Variants in SLX4IP observed in about 807,000 individuals in gnomAD.
The protein encoded by SLX4IP is SLX4 interacting protein.
In SLX4IP, 34 loss-of-function variants were observed where a neutral mutation model predicts 32.9. The ratio of observed to expected loss-of-function variants is 1.03; its 90% CI spans 0.79 to 1.38. The LOEUF is 1.38. Ranked by LOEUF, SLX4IP falls within the 40% of genes most tolerant of loss-of-function variation. The pLI is 0.00. For missense variants in SLX4IP, 444 were observed against 479.0 expected, an observed-to-expected ratio of 0.93 and a Z score of 0.68; for synonymous variants, 172 against 171.7, an observed-to-expected ratio of 1.00 and a Z score of -0.01.
intron 1 of SLX4IP, among the ~76,000 whole-genome samples, chr20:10,449,089 T>G (rs1766332864): frequency 6.6e-6 from 1 of 152,210 alleles, no homozygotes; most frequent in African/African-American, 2.4e-5. Flanking sequence ...CAGATTTCAA[T>G]TCACCGTTTA....
chr20:10,514,269 T>C (rs1437361417), intron 2 of SLX4IP, among the ~76,000 whole-genome samples: 1 of 152,192 alleles, frequency 6.6e-6, no homozygotes, highest in Non-Finnish European at 1.5e-5. Flanking sequence ...ATTTGGTGCA[T>C]TTTCCCAGAT....
chr20:10,490,226 A>T (rs2065610959), intron 2 of SLX4IP, among the ~76,000 whole-genome samples: 1 of 152,062 alleles, frequency 6.6e-6, no homozygotes, highest in Admixed American at 6.5e-5. Flanking sequence ...ACTTTGGATA[A>T]GTCCATGTAT....
chr20:10,523,828 A>G (rs1000309677), intron 2 of SLX4IP, among the ~76,000 whole-genome samples: 1 of 152,254 alleles, frequency 6.6e-6, no homozygotes, highest in African/African-American at 2.4e-5. Flanking sequence ...ATATAAACAA[A>G]AAGTCACATT....
intron 4 of SLX4IP, among the ~76,000 whole-genome samples, chr20:10,596,758 T>A (rs1003893328): frequency 6.6e-6 from 1 of 152,216 alleles, no homozygotes; most frequent in South Asian, 2.1e-4. Flanking sequence ...TGTTAAGGAT[T>A]CCACTTCTTC....
intron 6 of SLX4IP, among the ~76,000 whole-genome samples, chr20:10,605,626 C>T (rs1391634408): frequency 2.0e-5 from 3 of 152,126 alleles, no homozygotes; most frequent in Admixed American, 1.3e-4. Context: ...ATTTGTAGTG[C>T]TAGTACTGCC....
chr20:10,537,167 TTA>T (rs1246981928), intron 2 of SLX4IP, among the ~76,000 whole-genome samples: 1 of 152,164 alleles, frequency 6.6e-6, no homozygotes, highest in Non-Finnish European at 1.5e-5. Context: ...AGAGATGAGT[TTA>T]TGTTACATGG....
At chr20:10,598,647 C>T in intron 4 of SLX4IP, 28 bp from the exon 5 acceptor site, 3 of 1,605,280 alleles carry the variant, frequency 1.9e-6, no homozygotes, top group Non-Finnish European at 2.6e-6. Context: ...ACAAACTTAA[C>T]TTAGTGATGT....
intron 4 of SLX4IP, among the ~76,000 whole-genome samples, chr20:10,574,590 A>G (rs1049696549): frequency 6.6e-6 from 1 of 152,108 alleles, no homozygotes; most frequent in African/African-American, 2.4e-5. Context: ...CTTTCGGCAT[A>G]TCTGGGAACT....
chr20:10,473,924 G>C (rs1321979459), intron 2 of SLX4IP, among the ~76,000 whole-genome samples: 1 of 152,068 alleles, frequency 6.6e-6, no homozygotes, highest in African/African-American at 2.4e-5. Flanking sequence ...ATGGGTTCAG[G>C]CGATTCTCCT....
At chr20:10,466,184 A>G (rs2122354888) in intron 2 of SLX4IP, among the ~76,000 whole-genome samples, 1 of 152,338 alleles carries the variant, frequency 6.6e-6, no homozygotes, top group African/African-American at 2.4e-5. Flanking sequence ...ACCTCAGGAA[A>G]GTTTATGTGT....
chr20:10,491,071 T>TAAAA (rs76179946), intron 2 of SLX4IP, among the ~76,000 whole-genome samples: 53 of 150,690 alleles, frequency 3.5e-4, no homozygotes, highest in Admixed American at 5.3e-4. Flanking sequence ...GGCTCCACTT[T>TAAAA]AAAAAAAAAC....
intron 2 of SLX4IP, among the ~76,000 whole-genome samples, chr20:10,479,496 G>A (rs2065503534): frequency 6.6e-6 from 1 of 151,298 alleles, no homozygotes; most frequent in South Asian, 2.1e-4. Flanking sequence ...GAGACTACAG[G>A]CGTGCACCAC....
chr20:10,475,711 G>A (rs2065470481), intron 2 of SLX4IP, among the ~76,000 whole-genome samples: 1 of 152,198 alleles, frequency 6.6e-6, no homozygotes, highest in South Asian at 2.1e-4. Context: ...TGCCCCAATA[G>A]CAAACTTCTG....
intron 3 of SLX4IP, among the ~76,000 whole-genome samples, chr20:10,558,213 G>A (rs2122499060): frequency 6.6e-6 from 1 of 152,082 alleles, no homozygotes; most frequent in South Asian, 2.1e-4. Flanking sequence ...GGTGGCTTGT[G>A]TCTGGAATCC....
intron 1 of SLX4IP, among the ~76,000 whole-genome samples, chr20:10,444,939 C>T (rs1181452283): frequency 9.9e-5 from 15 of 152,122 alleles, no homozygotes; most frequent in East Asian, 5.8e-4. Flanking sequence ...TCGTGGGAGG[C>T]GGATGGGCCC....
intron 1 of SLX4IP, among the ~76,000 whole-genome samples, chr20:10,455,492 G>A (rs1330211751): frequency 6.6e-6 from 1 of 151,942 alleles, no homozygotes; most frequent in African/African-American, 2.4e-5. Context: ...TTCCCATCAA[G>A]TTATCTTAGT....
chr20:10,568,156 C>T (rs1897438616), intron 4 of SLX4IP, among the ~76,000 whole-genome samples: 1 of 152,232 alleles, frequency 6.6e-6, no homozygotes, highest in Admixed American at 6.5e-5. Context: ...CTGTCACCAT[C>T]TGACATGCCT....
rs1295068809 is a variant in SLX4IP at position 10,627,767 on chromosome 20, T to C, written c.*4388T>C. The C allele has an allele frequency of 6.6e-6, 1 of 152,222 alleles. No homozygotes were observed. Among genetic ancestry groups the C allele is most frequent in the East Asian group, 1.9e-4 (1 of 5,206 alleles). 9.4% of individuals were successfully genotyped at this position (152,222 alleles called of 1,614,324 possible). On this transcript the variant is annotated 3_prime_UTR_variant, in exon 8 of 8. Coordinates refer to ENST00000334534, the MANE Select transcript of SLX4IP (RefSeq NM_001009608.3). ...AATTCTTTGCTTGAGCAAAAATCAA[T>C]AAAACCTTATGTTTGACCCTAAAGT...
chr20:10,607,488 T>C (rs2066918635), intron 6 of SLX4IP, among the ~76,000 whole-genome samples: 1 of 152,206 alleles, frequency 6.6e-6, no homozygotes, highest in Non-Finnish European at 1.5e-5. Flanking sequence ...GTGAAAGAAT[T>C]CTCATGGTGC....
Sources: allele counts gnomAD v4.1 joint callset (sites outside exome capture counted in the v4.1 genomes callset), GRCh38; gene constraint gnomAD v4.1.1; transcripts MANE v1.5; gene names NCBI Gene and HGNC (gene_info 2026-07-23, HGNC 2026-07-21).